HNRNPD: variants seen among roughly 807,000 people sequenced by gnomAD.
HNRNPD encodes heterogeneous nuclear ribonucleoprotein D, also known as heterogeneous nuclear ribonucleoprotein D0.
A neutral mutation model predicts 47.9 loss-of-function variants in HNRNPD; 3 were observed. The ratio of observed to expected loss-of-function variants is 0.06; its 90% confidence interval spans 0.03 to 0.16. The LOEUF (loss-of-function observed/expected upper bound fraction) is 0.16. HNRNPD is among the 10% of genes least tolerant of loss of function. HNRNPD has a pLI of 1.00. For missense variants in HNRNPD, 287 were observed against 454.2 expected, an observed-to-expected ratio of 0.63 and a Z score of 3.35; for synonymous variants, 171 against 165.1, an observed-to-expected ratio of 1.04 and a Z score of -0.28.
chr4:82,373,766 C>T lies in HNRNPD; in HGVS notation c.-88G>A. 5.9e-6 allele frequency: 9 copies of T among 1,527,168 alleles called. No individual in the cohort carries two copies. Among genetic ancestry groups the T allele is most frequent in the Non-Finnish European group, 7.9e-6 (9 of 1,143,798 alleles). 94.6% of individuals were successfully genotyped at this position (1,527,168 alleles called of 1,614,324 possible). ...GCAGCAAAGTAATCCCCGCCGCTGCCGCGCGCCCGCTCTACCTCGCGAAGC... is the reference window on the plus strand; with the variant it reads ...GCAGCAAAGTAATCCCCGCCGCTGCTGCGCGCCCGCTCTACCTCGCGAAGC... On this transcript the variant is annotated 5_prime_UTR_variant, in exon 1 of 9. Coordinates refer to ENST00000313899, the MANE Select transcript of HNRNPD (RefSeq NM_031370.3).
intron 7 of HNRNPD, chr4:82,355,602 G>T: frequency 1.8e-6 from 1 of 569,780 alleles, no homozygotes. Flanking sequence ...AGAATGAGCT[G>T]ATTACTTGAC....
chr4:82,358,636 G>T lies in HNRNPD; in HGVS notation c.621+23C>A, dbSNP rs377466802. On this transcript the variant is annotated intron_variant, in intron 4 of 8. Transcript: ENST00000313899. ...ATTCACACTAATTTTGACATAAACT[G>T]GGTCAAAACATTTATAACATACCTC... 6.2e-5 allele frequency: 98 copies of T among 1,587,796 alleles called. No individual in the cohort carries two copies. The African/African-American group carries it at 1.2e-3, about 20-fold the overall frequency.
intron 2 of HNRNPD, among the ~76,000 whole-genome samples, chr4:82,362,222 T>C (rs1719494087): frequency 6.6e-6 from 1 of 152,238 alleles, no homozygotes; most frequent in African/African-American, 2.4e-5. Flanking sequence ...ACCAAGTCCA[T>C]CTCATTTCTT....
chr4:82,373,438 T>G lies in HNRNPD; in HGVS notation c.233+8A>C. On this transcript the variant is annotated splice_region_variant and intron_variant, in intron 1 of 8. Transcript: ENST00000313899. The stretch of plus-strand genomic sequence containing the variant: ...GGGCCTGACTATCCTGGGATGCCCC[T>G]TACTCACCCTTCATCCTCCTCGTTC... The G allele has an allele frequency of 1.3e-6, 2 of 1,573,062 alleles. No homozygotes were observed. Among genetic ancestry groups the G allele is most frequent in the Non-Finnish European group, 1.7e-6 (2 of 1,157,936 alleles).
At chr4:82,363,325 T>C (rs1226755100) in intron 2 of HNRNPD, among the ~76,000 whole-genome samples, 1 of 152,068 alleles carries the variant, frequency 6.6e-6, no homozygotes, top group Non-Finnish European at 1.5e-5. Flanking sequence ...GTGATCCACC[T>C]GCCTCGGCCT....
intron 8 of HNRNPD, 191 bp downstream of exon 8, chr4:82,355,113 G>C: frequency 1.7e-6 from 1 of 576,858 alleles, no homozygotes; most frequent in Non-Finnish European, 3.0e-6. Flanking sequence ...TTACTGACTT[G>C]TTAATAATAG....
chr4:82,373,948 C>G lies in HNRNPD; in HGVS notation c.-270G>C, dbSNP rs532674926. The G allele has an allele frequency of 1.6e-3, 1,218 of 749,930 alleles. 4 individuals carry two copies. The highest frequency in any genetic ancestry group is 2.0e-3 in the South Asian group (90 of 46,122). The allele number at this position is 749,930 out of a possible 1,614,324, so 46.5% of individuals were successfully genotyped here. ...CCAGCGGCGGCCGCTCTCGCCTCCT[C>G]CTCGCTTTAATGGCGCCGCCGCGGA... On this transcript the variant is annotated 5_prime_UTR_variant, in exon 1 of 9. Transcript: ENST00000313899.
intron 1 of HNRNPD, 177 bp downstream of exon 1, chr4:82,373,269 G>A (rs1300152810): frequency 5.8e-6 from 5 of 855,982 alleles, no homozygotes; most frequent in African/African-American, 1.7e-5. Context: ...AGCAGGCAAA[G>A]GAAGAAGGAA....
intron 7 of HNRNPD, chr4:82,355,783 G>A (rs1723689171): frequency 9.9e-6 from 2 of 202,634 alleles, no homozygotes; most frequent in Admixed American, 5.8e-5. Context: ...TAAGAAAAGG[G>A]CCCCAATCTC....
chr4:82,359,716 T>G, intron 2 of HNRNPD, 77 bp from the exon 3 acceptor site: 1 of 904,844 alleles, frequency 1.1e-6, no homozygotes, highest in South Asian at 2.3e-5. Context: ...AACACACCTT[T>G]TCCAAACTGC....
chr4:82,354,952 T>C (rs1220884616), intron 8 of HNRNPD: 1 of 276,152 alleles, frequency 3.6e-6, no homozygotes, highest in Non-Finnish European at 6.9e-6. Flanking sequence ...TGAGCGGGCC[T>C]GTGAGAATCG....
Position 82,356,902 on chromosome 4 carries a change from G to C in HNRNPD, c.754-7C>G. 6.2e-7 allele frequency: 1 copy of C among 1,605,034 alleles called. No individual in the cohort carries two copies. Among genetic ancestry groups the C allele is most frequent in the Non-Finnish European group, 8.5e-7 (1 of 1,171,824 alleles). ...TGGCTACTTTTATTTCACACTAAAAGAGAAAAATTACATTATTAAACTGAC... is the reference window on the plus strand; with the variant it reads ...TGGCTACTTTTATTTCACACTAAAACAGAAAAATTACATTATTAAACTGAC... On this transcript the variant is annotated splice_polypyrimidine_tract_variant and splice_region_variant and intron_variant, in intron 5 of 8. Transcript: ENST00000313899.
rs1274121667 is a variant in HNRNPD, at chr4:82,357,427, G to A, written c.639C>T (p.Leu213=). 3 of 1,607,934 alleles carry A rather than the reference G, an allele frequency of 1.9e-6. No homozygotes were observed. Among genetic ancestry groups the A allele is most frequent in the South Asian group, 2.2e-5 (2 of 89,638 alleles). The change falls in exon 5 of 9, where the codon CTC becomes CTT. Residue 213 remains leucine (L), a synonymous_variant. Coordinates refer to ENST00000313899, the MANE Select transcript of HNRNPD (RefSeq NM_031370.3). ...GGFGEVESIE[L]PMDNKTNKRR... ...TCTTATTGGTCTTGTTGTCCATGGG[G>A]AGCTCTATGGATTCCACCTGGTATT...
chr4:82,373,131 G>A (rs1219200168), intron 1 of HNRNPD: 1 of 589,368 alleles, frequency 1.7e-6, no homozygotes, highest in African/African-American at 1.8e-5. Flanking sequence ...CACGACAGGC[G>A]GGAAAAAATC....
In HNRNPD at chr4:82,373,812, G is replaced by A; in HGVS notation, c.-134C>T. The A allele has an allele frequency of 6.7e-7, 1 of 1,493,806 alleles. No homozygotes were observed. The highest frequency in any genetic ancestry group is 2.1e-5 in the Admixed American group (1 of 47,616). 92.5% of individuals were successfully genotyped at this position (1,493,806 alleles called of 1,614,324 possible). A position where few individuals can be genotyped will look rare whatever the true frequency, so the allele number is the denominator to read the frequency against. ...GAAGCACACAAGACAGGGAAGGCGC[G>A]CGCGTGGCTGCAAAGGCTCCTGCGC... is the stretch of plus-strand genomic sequence containing the variant. On this transcript the variant is annotated 5_prime_UTR_variant, in exon 1 of 9. Transcript: ENST00000313899.
Position 82,356,520 on chromosome 4 carries a change from A to T in HNRNPD, c.1000+17T>A. ...TAAATGTCAAATAGCAGTTAATATA[A>T]AAAGTATAGTACTTACTGCTATAAT... On this transcript the variant is annotated intron_variant, in intron 7 of 8. Coordinates refer to ENST00000313899, the MANE Select transcript of HNRNPD (RefSeq NM_031370.3). The T allele has an allele frequency of 6.3e-7, 1 of 1,580,434 alleles. No homozygotes were observed. The highest frequency in any genetic ancestry group is 2.2e-5 in the East Asian group (1 of 44,630).
chr4:82,371,471 T>C, intron 2 of HNRNPD, 57 bp downstream of exon 2: 1 of 1,365,658 alleles, frequency 7.3e-7, no homozygotes. Flanking sequence ...ACACAGCCTC[T>C]ACATATTATG....
In HNRNPD at chr4:82,368,409, A is replaced by G. The variant is rs115335872; in HGVS notation, c.290+3119T>C. 9.6e-3 allele frequency among the ~76,000 whole-genome samples: 1,463 copies of G among 152,278 alleles called. 17 individuals are homozygous for G. The highest frequency in any genetic ancestry group is 0.034 in the African/African-American group (1,398 of 41,550). On this transcript the variant is annotated intron_variant, in intron 2 of 8. Coordinates refer to ENST00000313899, the MANE Select transcript of HNRNPD (RefSeq NM_031370.3). Reference sequence around the variant, plus strand: ...AGAAAGGGTCACATGGCTTAAGGGAAAAAACCCCAGATTTAAGGCAAAGTA... The same window carrying G: ...AGAAAGGGTCACATGGCTTAAGGGAGAAAACCCCAGATTTAAGGCAAAGTA...
intron 2 of HNRNPD, among the ~76,000 whole-genome samples, chr4:82,366,270 G>C (rs149794641): frequency 3.8e-4 from 58 of 152,224 alleles, no homozygotes; most frequent in Non-Finnish European, 6.3e-4. Context: ...GGGGGACAGA[G>C]TCTCGCTTTG....
Sources: gnomAD v4.1 joint callset for allele counts (sites outside exome capture counted in the v4.1 genomes callset) on GRCh38, gnomAD v4.1.1 for gene constraint, MANE v1.5 for transcripts, NCBI Gene and HGNC (gene_info 2026-07-23, HGNC 2026-07-21) for gene names.